MDFIC2: variants seen among roughly 807,000 people sequenced by gnomAD.
MDFIC2 encodes the protein MyoD family inhibitor domain containing 2, also known as myoD family inhibitor domain-containing protein 2.
At chr3:70,276,365 G>T (rs769113935) in intron 2 of MDFIC2, among the ~76,000 whole-genome samples, 2 of 152,008 alleles carry the variant, frequency 1.3e-5, no homozygotes. Context: ...TCTTACTTCT[G>T]GAAATGTATG....
intron 2 of MDFIC2, among the ~76,000 whole-genome samples, chr3:70,280,648 T>C (rs747896569): frequency 6.6e-5 from 10 of 152,214 alleles, no homozygotes; most frequent in South Asian, 6.2e-4. Context: ...AGTCTCATTC[T>C]CCTCTGAGGC....
chr3:70,242,085 A>T (rs867422742), intron 2 of MDFIC2, among the ~76,000 whole-genome samples: 1 of 152,232 alleles, frequency 6.6e-6, no homozygotes, highest in Non-Finnish European at 1.5e-5. Flanking sequence ...GGTAAGGGCC[A>T]ATGATGTGTA....
intron 2 of MDFIC2, among the ~76,000 whole-genome samples, chr3:70,287,354 T>G (rs1702176992): frequency 6.7e-6 from 1 of 149,468 alleles, no homozygotes; most frequent in African/African-American, 2.5e-5. Context: ...ATATGCTGGA[T>G]TACATTTATT....
chr3:70,296,382 A>G (rs953853355), intron 2 of MDFIC2, among the ~76,000 whole-genome samples: 1 of 152,200 alleles, frequency 6.6e-6, no homozygotes, highest in African/African-American at 2.4e-5. Context: ...TATGGGTTCC[A>G]GAGCCTACCA....
intron 2 of MDFIC2, among the ~76,000 whole-genome samples, chr3:70,222,666 C>T (rs1701471620): frequency 6.6e-6 from 1 of 152,210 alleles, no homozygotes; most frequent in South Asian, 2.1e-4. Context: ...ACATCCTTAC[C>T]ACTTAGCTAA....
chr3:70,260,667 C>T (rs1241004740), intron 2 of MDFIC2, among the ~76,000 whole-genome samples: 3 of 152,116 alleles, frequency 2.0e-5, no homozygotes, highest in Non-Finnish European at 4.4e-5. Context: ...AGACTGCCCT[C>T]TTTATACAGC....
intron 2 of MDFIC2, among the ~76,000 whole-genome samples, chr3:70,214,103 AG>A (rs1434363574): frequency 6.6e-6 from 1 of 152,144 alleles, no homozygotes; most frequent in Non-Finnish European, 1.5e-5. Flanking sequence ...AATGGAAATA[AG>A]TAACTATGGA....
At chr3:70,281,783 A>T (rs1013912648) in intron 2 of MDFIC2, among the ~76,000 whole-genome samples, 1 of 152,184 alleles carries the variant, frequency 6.6e-6, no homozygotes. Flanking sequence ...TGATTCCAGC[A>T]GTTCAAAATT....
At chr3:70,288,020 C>T (rs1255585729) in intron 2 of MDFIC2, among the ~76,000 whole-genome samples, 2 of 151,768 alleles carry the variant, frequency 1.3e-5, no homozygotes, top group African/African-American at 4.8e-5. Flanking sequence ...CTCCTGGATT[C>T]ATTAATTTTT....
At chr3:70,223,391 C>A (rs1441524019) in intron 2 of MDFIC2, among the ~76,000 whole-genome samples, 2 of 152,134 alleles carry the variant, frequency 1.3e-5, no homozygotes, top group Non-Finnish European at 2.9e-5. Flanking sequence ...GAGTGCAGAG[C>A]ACTGATATAA....
rs1193636084 is a variant in MDFIC2 at position 70,235,912 on chromosome 3, A to G, written c.89-29122T>C. 3.3e-5 allele frequency among the ~76,000 whole-genome samples: 5 copies of G among 152,210 alleles called. No individual in the cohort carries two copies. The East Asian group carries it at 9.6e-4, about 29-fold the overall frequency. ...TTCATATTAGTGGTTCAATGGACGT[A>G]AGCTTCCTATGGGCAGTCACCACGC... On this transcript the variant is annotated intron_variant, in intron 2 of 3. Transcript: ENST00000567252.
At chr3:70,212,507 T>A (rs1701361093) in intron 2 of MDFIC2, among the ~76,000 whole-genome samples, 1 of 152,122 alleles carries the variant, frequency 6.6e-6, no homozygotes, top group African/African-American at 2.4e-5. Context: ...TCTTATTTAT[T>A]CTTCCTACTA....
intron 2 of MDFIC2, among the ~76,000 whole-genome samples, chr3:70,218,413 A>C (rs1048784155): frequency 6.6e-6 from 1 of 152,112 alleles, no homozygotes; most frequent in East Asian, 1.9e-4. Context: ...TAAGCTTTAC[A>C]GTAAAAAATC....
At chr3:70,269,778 T>C (rs1346402484) in intron 2 of MDFIC2, among the ~76,000 whole-genome samples, 1 of 152,122 alleles carries the variant, frequency 6.6e-6, no homozygotes, top group Non-Finnish European at 1.5e-5. Context: ...ATTCTCCAAA[T>C]TGCTAAAAGG....
rs185749908 is a variant in MDFIC2, at chr3:70,302,995, C to A, written c.88+8891G>T. On this transcript the variant is annotated intron_variant, in intron 2 of 3. Coordinates refer to ENST00000567252, the MANE Select transcript of MDFIC2 (RefSeq NM_001364677.1). ...ACAGAAGATCTCATCTTTTGCTGAA[C>A]TTTCTAAATATAAATTAAAGTTATC... 8.5e-5 allele frequency among the ~76,000 whole-genome samples: 13 copies of A among 152,256 alleles called. No individual in the cohort carries two copies. In the East Asian group the frequency reaches 2.3e-3, roughly 27 times the overall value.
At chr3:70,305,077 A>G (rs908777457) in intron 2 of MDFIC2, among the ~76,000 whole-genome samples, 8 of 152,168 alleles carry the variant, frequency 5.3e-5, no homozygotes, top group African/African-American at 1.4e-4. Flanking sequence ...TTCCTTGACC[A>G]CTGATTCTAA....
intron 2 of MDFIC2, among the ~76,000 whole-genome samples, chr3:70,258,808 C>T (rs1158788126): frequency 6.6e-6 from 1 of 151,902 alleles, no homozygotes; most frequent in Non-Finnish European, 1.5e-5. Context: ...TAAAATATAA[C>T]CATAGAAGGA....
At chr3:70,201,024 CT>C (rs369942493) in intron 3 of MDFIC2, among the ~76,000 whole-genome samples, 60 of 147,432 alleles carry the variant, frequency 4.1e-4, no homozygotes, top group Middle Eastern at 3.6e-3. Context: ...TGTTTTGTAA[CT>C]TTTTTTTTTT....
intron 2 of MDFIC2, among the ~76,000 whole-genome samples, chr3:70,277,003 C>T (rs1702033658): frequency 6.6e-6 from 1 of 152,022 alleles, no homozygotes; most frequent in Non-Finnish European, 1.5e-5. Flanking sequence ...GAACTCTTCA[C>T]ACACACATAA....
Sources: gnomAD v4.1 joint callset for allele counts (sites outside exome capture counted in the v4.1 genomes callset) on GRCh38, gnomAD v4.1.1 for gene constraint, MANE v1.5 for transcripts, NCBI Gene and HGNC (gene_info 2026-07-23, HGNC 2026-07-21) for gene names.